The following EPB41L4A variants were observed in gnomAD, a reference collection of about 807,000 sequenced individuals.
The protein encoded by EPB41L4A is erythrocyte membrane protein band 4.1 like 4A, also known as band 4.1-like protein 4A.
In EPB41L4A, 100 loss-of-function variants were observed where a neutral mutation model predicts 108.6. The observed-to-expected ratio is 0.92, with a 90% CI of 0.78 to 1.09. The LOEUF is 1.09. Ranked by LOEUF, EPB41L4A falls within the 50% of genes least tolerant of loss-of-function variation. EPB41L4A has a pLI of 0.00. For synonymous variants in EPB41L4A, 319 were observed against 289.0 expected (o/e 1.10, Z -1.05); for missense variants, 1,030 against 842.7 (o/e 1.22, Z -2.75).
intron 12 of EPB41L4A, among the ~76,000 whole-genome samples, chr5:112,146,600 T>A (rs891213798): frequency 6.6e-6 from 1 of 152,178 alleles, no homozygotes; most frequent in East Asian, 1.9e-4. Context: ...ATATAAAAAA[T>A]TTATTTTTGT....
chr5:112,283,391 A>T (rs1400016347), intron 2 of EPB41L4A, among the ~76,000 whole-genome samples: 1 of 152,210 alleles, frequency 6.6e-6, no homozygotes, highest in African/African-American at 2.4e-5. Flanking sequence ...CTTACGTTCA[A>T]CCAAGGGAAA....
At chr5:112,414,484 G>A (rs554581803) in intron 1 of EPB41L4A, among the ~76,000 whole-genome samples, 1 of 152,284 alleles carries the variant, frequency 6.6e-6, no homozygotes, top group African/African-American at 2.4e-5. Flanking sequence ...TCTGGTGAGA[G>A]GAGGCAGGGA....
chr5:112,353,029 T>C (rs1431312074), intron 1 of EPB41L4A, among the ~76,000 whole-genome samples: 4 of 152,248 alleles, frequency 2.6e-5, no homozygotes, highest in Admixed American at 6.5e-5. Context: ...GGTATTATAC[T>C]TTGGCTTTGA....
Position 112,163,153 on chromosome 5 carries a change from C to A in EPB41L4A, c.*1837G>T, listed in dbSNP as rs1160186425. 2.6e-5 allele frequency: 4 copies of A among 152,146 alleles called. No homozygotes were observed. The highest frequency in any genetic ancestry group is 2.0e-4 in the Admixed American group (3 of 15,276). 9.4% of individuals were successfully genotyped at this position (152,146 alleles called of 1,614,324 possible). On this transcript the variant is annotated 3_prime_UTR_variant, in exon 23 of 23. Coordinates refer to ENST00000261486, the MANE Select transcript of EPB41L4A (RefSeq NM_022140.5). ...TGCTTATTGTTGTCTAGACAAGAGA[C>A]CAGCTTGGACTAGTAAAATTAGTGA...
intron 1 of EPB41L4A, among the ~76,000 whole-genome samples, chr5:112,345,811 A>G (rs112820155): frequency 0.044 from 6,636 of 150,320 alleles, 405 homozygotes; most frequent in African/African-American, 0.13. Flanking sequence ...ACACACACAC[A>G]CACACACACA....
intron 1 of EPB41L4A, among the ~76,000 whole-genome samples, chr5:112,339,003 A>T (rs1446721105): frequency 1.4e-5 from 2 of 141,932 alleles, no homozygotes; most frequent in African/African-American, 5.3e-5. Context: ...GCACTCAGAG[A>T]ACATTTGTAA....
intron 1 of EPB41L4A, among the ~76,000 whole-genome samples, chr5:112,402,375 G>C (rs1761820812): frequency 1.3e-5 from 2 of 151,036 alleles, no homozygotes; most frequent in Non-Finnish European, 2.9e-5. Context: ...TGCAAGAACA[G>C]ACTAATACAA....
At chr5:112,359,127 A>G (rs1472280165) in intron 1 of EPB41L4A, among the ~76,000 whole-genome samples, 2 of 152,200 alleles carry the variant, frequency 1.3e-5, no homozygotes, top group East Asian at 3.8e-4. Context: ...AACTATATCT[A>G]TATGTAAAAA....
chr5:112,334,837 C>A (rs1199087226), intron 1 of EPB41L4A, among the ~76,000 whole-genome samples: 7 of 152,000 alleles, frequency 4.6e-5, no homozygotes, highest in African/African-American at 1.7e-4. Flanking sequence ...CTGATTGAGA[C>A]CTATCTGAGA....
intron 12 of EPB41L4A, among the ~76,000 whole-genome samples, chr5:112,230,891 C>T (rs1412423226): frequency 6.6e-6 from 1 of 152,110 alleles, no homozygotes; most frequent in African/African-American, 2.4e-5. Context: ...CCACTGCACT[C>T]CGGCCTGGGT....
intron 22 of EPB41L4A, among the ~76,000 whole-genome samples, chr5:112,167,137 AAAAC>A: frequency 6.6e-6 from 1 of 151,776 alleles, no homozygotes; most frequent in Non-Finnish European, 1.5e-5. Flanking sequence ...AAAAAAAAAA[AAAAC>A]ACCGAAAGAT....
intron 18 of EPB41L4A, among the ~76,000 whole-genome samples, chr5:112,172,709 G>A (rs1760652770): frequency 6.6e-6 from 1 of 152,134 alleles, no homozygotes; most frequent in African/African-American, 2.4e-5. Context: ...ACAGAATGAT[G>A]GTTCAGCTGT....
intron 1 of EPB41L4A, among the ~76,000 whole-genome samples, chr5:112,337,549 G>A (rs1403552207): frequency 6.6e-6 from 1 of 152,156 alleles, no homozygotes; most frequent in Non-Finnish European, 1.5e-5. Context: ...ATAGACAAAA[G>A]GACGGAGGCT....
chr5:112,146,112 G>C (rs79791236), intron 12 of EPB41L4A: 4 of 373,748 alleles, frequency 1.1e-5, no homozygotes, highest in African/African-American at 6.4e-5. Context: ...GGGTCTTACA[G>C]AATCGAGACC....
chr5:112,159,838 C>A (rs1315841862), downstream of EPB41L4A, among the ~76,000 whole-genome samples: 1 of 151,656 alleles, frequency 6.6e-6, no homozygotes, highest in Non-Finnish European at 1.5e-5. Context: ...ATATTGATTG[C>A]CTGTTGAAAT....
At chr5:112,269,823 C>G (rs565031365) in intron 4 of EPB41L4A, among the ~76,000 whole-genome samples, 1 of 152,256 alleles carries the variant, frequency 6.6e-6, no homozygotes, top group African/African-American at 2.4e-5. Context: ...CTTCATGAAG[C>G]AGTTTCTGGT....
intron 13 of EPB41L4A, among the ~76,000 whole-genome samples, chr5:112,145,042 C>T (rs1759197723): frequency 6.6e-6 from 1 of 152,206 alleles, no homozygotes; most frequent in Admixed American, 6.5e-5. Context: ...GTAATCCCGG[C>T]ACTTTGGGAG....
intron 1 of EPB41L4A, among the ~76,000 whole-genome samples, chr5:112,371,422 C>A (rs1051229389): frequency 2.0e-5 from 3 of 152,164 alleles, no homozygotes; most frequent in African/African-American, 4.8e-5. Context: ...TCTGGTAGCA[C>A]CAAAAATCTA....
chr5:112,358,005 T>G (rs1380921792), intron 1 of EPB41L4A, among the ~76,000 whole-genome samples: 1 of 152,208 alleles, frequency 6.6e-6, no homozygotes, highest in Non-Finnish European at 1.5e-5. Context: ...CAAGTGACCA[T>G]GGTGGAAAGA....
Sources: allele counts gnomAD v4.1 joint callset (sites outside exome capture counted in the v4.1 genomes callset), GRCh38; gene constraint gnomAD v4.1.1; transcripts MANE v1.5; gene names NCBI Gene and HGNC (gene_info 2026-07-23, HGNC 2026-07-21).